The following CACNA2D3 variants were observed in gnomAD, a reference collection of about 807,000 sequenced individuals.
CACNA2D3 encodes calcium voltage-gated channel auxiliary subunit alpha2delta 3.
A neutral mutation model predicts 160.6 loss-of-function variants in CACNA2D3; 60 were observed. The ratio of observed to expected loss-of-function variants is 0.37; its 90% CI spans 0.30 to 0.46. The LOEUF is 0.46. Among genes scored for constraint, CACNA2D3 ranks in the 20% least tolerant of loss-of-function variants. The probability of loss-of-function intolerance (pLI) is 1.00; values close to 1 mark genes in which losing one functional copy is unlikely to be tolerated. For synonymous variants in CACNA2D3, 558 were observed against 492.9 expected (o/e 1.13, Z -1.75); for missense variants, 1,205 against 1,365.0 (o/e 0.88, Z 1.85).
At chr3:54,286,598 G>A (rs942143882) in intron 2 of CACNA2D3, among the ~76,000 whole-genome samples, 1 of 152,094 alleles carries the variant, frequency 6.6e-6, no homozygotes, top group Non-Finnish European at 1.5e-5. Flanking sequence ...GATATTCCTC[G>A]AGAAGAGCAA....
At chr3:54,875,199 A>C (rs1237785569) in intron 18 of CACNA2D3, 1 of 152,064 alleles carries the variant, frequency 6.6e-6, no homozygotes, top group African/African-American at 2.4e-5. Flanking sequence ...TCTCCAGCTC[A>C]TGCTTGAGCT....
chr3:54,634,269 C>T (rs1480214965), intron 10 of CACNA2D3, among the ~76,000 whole-genome samples: 2 of 152,170 alleles, frequency 1.3e-5, no homozygotes, highest in African/African-American at 4.8e-5. Context: ...TAACGTTTGC[C>T]CTTCCTGGAA....
chr3:54,645,512 G>T (rs1699616664), intron 11 of CACNA2D3, among the ~76,000 whole-genome samples: 1 of 152,210 alleles, frequency 6.6e-6, no homozygotes, highest in South Asian at 2.1e-4. Flanking sequence ...GGCAGCAAAT[G>T]CATGCTTCCT....
At chr3:54,658,291 T>G (rs770674010) in intron 11 of CACNA2D3, among the ~76,000 whole-genome samples, 10 of 152,238 alleles carry the variant, frequency 6.6e-5, no homozygotes, top group Non-Finnish European at 1.5e-4. Flanking sequence ...CCAACTTATA[T>G]TTCACCAACA....
intron 2 of CACNA2D3, among the ~76,000 whole-genome samples, chr3:54,195,318 T>G (rs1465711476): frequency 1.3e-5 from 2 of 152,178 alleles, no homozygotes; most frequent in Non-Finnish European, 2.9e-5. Flanking sequence ...TCTGTGCCTT[T>G]GCTAGACCAC....
intron 21 of CACNA2D3, among the ~76,000 whole-genome samples, chr3:54,883,889 CT>C (rs1487930146): frequency 1.3e-5 from 2 of 148,172 alleles, no homozygotes; most frequent in African/African-American, 2.5e-5. Flanking sequence ...TTCTCTTTTC[CT>C]TTTTAGCCCT....
intron 27 of CACNA2D3, among the ~76,000 whole-genome samples, chr3:54,908,011 T>C (rs559061424): frequency 2.0e-5 from 3 of 152,360 alleles, no homozygotes; most frequent in African/African-American, 7.2e-5. Flanking sequence ...AATGTTGATA[T>C]GAGCATCCAT....
intron 5 of CACNA2D3, among the ~76,000 whole-genome samples, chr3:54,556,568 A>G (rs1417364213): frequency 6.6e-6 from 1 of 152,188 alleles, no homozygotes; most frequent in Non-Finnish European, 1.5e-5. Context: ...ATTTTGCCAC[A>G]GCTGCTACAG....
At chr3:54,274,807 T>C (rs1176826937) in intron 2 of CACNA2D3, among the ~76,000 whole-genome samples, 2 of 152,242 alleles carry the variant, frequency 1.3e-5, no homozygotes, top group African/African-American at 4.8e-5. Context: ...CTCAGACCTT[T>C]GCCACGTGGG....
In CACNA2D3 at chr3:54,846,487, T is replaced by G; in HGVS notation, c.1626+20T>G. ...CTGCTGGTAAGAGAAATTATGTACTTCTGCATTTCTGCTTTTATGATTTTA... is the reference window on the plus strand; with the variant it reads ...CTGCTGGTAAGAGAAATTATGTACTGCTGCATTTCTGCTTTTATGATTTTA... On this transcript the variant is annotated intron_variant, in intron 17 of 37. Coordinates refer to ENST00000474759, the MANE Select transcript of CACNA2D3 (RefSeq NM_018398.3). The G allele has an allele frequency of 2.1e-6, 3 of 1,446,780 alleles. No homozygotes were observed. Among genetic ancestry groups the G allele is most frequent in the Non-Finnish European group, 2.9e-6 (3 of 1,042,362 alleles). 89.6% of individuals were successfully genotyped at this position (1,446,780 alleles called of 1,614,324 possible). A position where few individuals can be genotyped will look rare whatever the true frequency, so the allele number is the denominator to read the frequency against.
chr3:54,589,128 A>G (rs545890538), intron 9 of CACNA2D3, among the ~76,000 whole-genome samples: 2 of 152,224 alleles, frequency 1.3e-5, no homozygotes, highest in African/African-American at 4.8e-5. Flanking sequence ...GGCCTATTAT[A>G]TAGTAACAGT....
At chr3:54,678,819 T>TA (rs1476318953) in intron 11 of CACNA2D3, among the ~76,000 whole-genome samples, 1 of 151,400 alleles carries the variant, frequency 6.6e-6, no homozygotes, top group Non-Finnish European at 1.5e-5. Flanking sequence ...TTCTCAGGTT[T>TA]AAAAATTAAA....
intron 2 of CACNA2D3, among the ~76,000 whole-genome samples, chr3:54,145,417 T>G (rs1004181951): frequency 6.6e-6 from 1 of 152,178 alleles, no homozygotes; most frequent in Admixed American, 6.5e-5. Context: ...TACTGCTAGC[T>G]TGAAAAATGG....
chr3:54,538,706 C>CT (rs2106657327), intron 5 of CACNA2D3, among the ~76,000 whole-genome samples: 1 of 152,288 alleles, frequency 6.6e-6, no homozygotes, highest in East Asian at 1.9e-4. Flanking sequence ...TCTTCATTGC[C>CT]TTTGGCCCTG....
chr3:54,950,819 T>C (rs1187011407), intron 27 of CACNA2D3, among the ~76,000 whole-genome samples: 1 of 152,008 alleles, frequency 6.6e-6, no homozygotes, highest in East Asian at 1.9e-4. Context: ...AGAGGAAGCA[T>C]GGTGACATGT....
intron 3 of CACNA2D3, among the ~76,000 whole-genome samples, chr3:54,354,099 C>A (rs561445421): frequency 6.2e-4 from 95 of 152,296 alleles, no homozygotes; most frequent in Non-Finnish European, 1.0e-3. Context: ...CTTTCAACTT[C>A]TCACATGAAT....
chr3:54,608,288 A>G (rs1432380718), intron 9 of CACNA2D3, among the ~76,000 whole-genome samples: 2 of 152,210 alleles, frequency 1.3e-5, no homozygotes, highest in African/African-American at 4.8e-5. Flanking sequence ...GGGCACAGGA[A>G]CTTTCTGATA....
chr3:54,784,036 T>C (rs1575473568), intron 13 of CACNA2D3, among the ~76,000 whole-genome samples: 1 of 152,312 alleles, frequency 6.6e-6, no homozygotes, highest in Middle Eastern at 3.4e-3. Flanking sequence ...ACAACTTCTC[T>C]ACTGAAGGAA....
chr3:54,311,973 C>A (rs963662491), intron 2 of CACNA2D3, among the ~76,000 whole-genome samples: 1 of 152,028 alleles, frequency 6.6e-6, no homozygotes, highest in Non-Finnish European at 1.5e-5. Flanking sequence ...AAAAAAAGAA[C>A]CTTAGGGTGG....
Sources: allele counts gnomAD v4.1 joint callset (sites outside exome capture counted in the v4.1 genomes callset), GRCh38; gene constraint gnomAD v4.1.1; transcripts MANE v1.5; gene names NCBI Gene and HGNC (gene_info 2026-07-23, HGNC 2026-07-21).